Variants in KHDRBS2 observed in about 807,000 individuals in gnomAD.
The protein encoded by KHDRBS2 is KH domain-containing, RNA-binding, signal transduction-associated protein 2.
Under a neutral mutation model 44.3 loss-of-function variants are expected in KHDRBS2, and 26 were observed. The observed-to-expected ratio is 0.59, with a 90% CI of 0.43 to 0.81. The LOEUF (loss-of-function observed/expected upper bound fraction) is 0.81. Among genes scored for constraint, KHDRBS2 ranks in the 40% least tolerant of loss-of-function variants. The pLI is 0.00. For missense variants in KHDRBS2, 476 were observed against 433.1 expected, an observed-to-expected ratio of 1.10 and a Z score of -0.88; for synonymous variants, 194 against 151.1, an observed-to-expected ratio of 1.28 and a Z score of -2.08.
chr6:62,184,827 G>C (rs748079981), intron 1 of KHDRBS2, among the ~76,000 whole-genome samples: 28 of 151,552 alleles, frequency 1.8e-4, no homozygotes, highest in African/African-American at 5.1e-4. Flanking sequence ...TTTTTATCTT[G>C]TACTTGCTTT....
At chr6:62,082,338 T>TGTGTGTGA (rs1562814465) in intron 2 of KHDRBS2, among the ~76,000 whole-genome samples, 1 of 151,598 alleles carries the variant, frequency 6.6e-6, no homozygotes, top group African/African-American at 2.4e-5. Context: ...TGTGTGTGTG[T>TGTGTGTGA]GAACAACCCA....
chr6:61,829,112 T>G (rs1019780535), intron 6 of KHDRBS2, among the ~76,000 whole-genome samples: 4 of 152,230 alleles, frequency 2.6e-5, no homozygotes. Context: ...TTAGTGTGTA[T>G]ATAGCTGACA....
At chr6:61,763,183 G>T (rs1449185692) in intron 6 of KHDRBS2, among the ~76,000 whole-genome samples, 1 of 152,214 alleles carries the variant, frequency 6.6e-6, no homozygotes, top group Non-Finnish European at 1.5e-5. Context: ...TAGACGTGGG[G>T]AGTGGAAAAG....
At chr6:61,751,067 A>C (rs1777616637) in intron 6 of KHDRBS2, among the ~76,000 whole-genome samples, 1 of 152,112 alleles carries the variant, frequency 6.6e-6, no homozygotes, top group Non-Finnish European at 1.5e-5. Context: ...TACTTGCATA[A>C]ATTATTCCAT....
At chr6:61,663,788 T>G in the KHDRBS2 span, among the ~76,000 whole-genome samples, 1 of 151,502 alleles carries the variant, frequency 6.6e-6, no homozygotes, top group South Asian at 2.1e-4. Flanking sequence ...AATTATTTGA[T>G]GAATAAACTT....
chr6:61,776,854 C>T (rs1380304288), intron 6 of KHDRBS2, among the ~76,000 whole-genome samples: 3 of 152,104 alleles, frequency 2.0e-5, no homozygotes, highest in African/African-American at 7.2e-5. Flanking sequence ...TTTATAGTGG[C>T]ACTATTCACA....
At chr6:62,039,427 G>A (rs1786004079) in intron 3 of KHDRBS2, among the ~76,000 whole-genome samples, 1 of 151,662 alleles carries the variant, frequency 6.6e-6, no homozygotes, top group Non-Finnish European at 1.5e-5. Context: ...GAGATTATCT[G>A]CTAAATAATA....
chr6:61,619,380 T>G, the KHDRBS2 span, among the ~76,000 whole-genome samples: 1 of 152,158 alleles, frequency 6.6e-6, no homozygotes, highest in South Asian at 2.1e-4. Context: ...ATTCCTATGT[T>G]ATTTCACTTA....
intron 4 of KHDRBS2, among the ~76,000 whole-genome samples, chr6:61,947,507 G>C (rs199648804): frequency 1.3e-5 from 2 of 152,070 alleles, no homozygotes; most frequent in African/African-American, 4.8e-5. Flanking sequence ...GTTTAGTGAA[G>C]AGGAGAAAAA....
chr6:61,546,921 C>T, the KHDRBS2 span, among the ~76,000 whole-genome samples: 1 of 151,916 alleles, frequency 6.6e-6, no homozygotes, highest in East Asian at 1.9e-4. Flanking sequence ...CAGATTATTC[C>T]AGTTCAGAGT....
At chr6:62,055,481 G>T (rs953657002) in intron 2 of KHDRBS2, among the ~76,000 whole-genome samples, 2 of 151,962 alleles carry the variant, frequency 1.3e-5, no homozygotes, top group African/African-American at 4.8e-5. Context: ...ACGCACCTGT[G>T]GGAGTGTAAA....
At chr6:61,965,040 G>A (rs774782345) in intron 4 of KHDRBS2, among the ~76,000 whole-genome samples, 2 of 152,026 alleles carry the variant, frequency 1.3e-5, no homozygotes, top group African/African-American at 2.4e-5. Context: ...TTGCACTTGG[G>A]TGAATGTAAA....
At chr6:62,067,646 C>G (rs948263182) in intron 2 of KHDRBS2, among the ~76,000 whole-genome samples, 1 of 151,426 alleles carries the variant, frequency 6.6e-6, no homozygotes, top group Non-Finnish European at 1.5e-5. Flanking sequence ...TACGTATGTT[C>G]ACAGGGTTAT....
intron 2 of KHDRBS2, among the ~76,000 whole-genome samples, chr6:62,127,355 A>G (rs1809212526): frequency 6.6e-6 from 1 of 152,164 alleles, no homozygotes; most frequent in Non-Finnish European, 1.5e-5. Flanking sequence ...TTTGGCCACT[A>G]TTAAACTCCC....
the KHDRBS2 span, among the ~76,000 whole-genome samples, chr6:61,599,918 A>G: frequency 6.6e-6 from 1 of 152,222 alleles, no homozygotes; most frequent in African/African-American, 2.4e-5. Context: ...CAAGATGAGA[A>G]TGACTCTACG....
chr6:61,999,442 C>T (rs934040123), intron 3 of KHDRBS2, among the ~76,000 whole-genome samples: 1 of 152,076 alleles, frequency 6.6e-6, no homozygotes, highest in Non-Finnish European at 1.5e-5. Flanking sequence ...GCTGATATAA[C>T]TTAAAGTTGT....
intron 6 of KHDRBS2, among the ~76,000 whole-genome samples, chr6:61,747,893 A>G (rs190020978): frequency 6.6e-6 from 1 of 152,336 alleles, no homozygotes; most frequent in African/African-American, 2.4e-5. Context: ...GCTGGTTAAC[A>G]GATAAAATGT....
the KHDRBS2 span, among the ~76,000 whole-genome samples, chr6:61,656,694 C>T: frequency 6.6e-6 from 1 of 151,876 alleles, no homozygotes; most frequent in African/African-American, 2.4e-5. Flanking sequence ...AGTCATTGAA[C>T]TTTAGTTGAG....
chr6:62,214,182 C>A (rs1829593717), intron 1 of KHDRBS2, among the ~76,000 whole-genome samples: 1 of 152,058 alleles, frequency 6.6e-6, no homozygotes. Context: ...GGCAAAATTT[C>A]TTTGTGCAAA....
Sources: allele counts gnomAD v4.1 joint callset (sites outside exome capture counted in the v4.1 genomes callset), GRCh38; gene constraint gnomAD v4.1.1; transcripts MANE v1.5; gene names NCBI Gene and HGNC (gene_info 2026-07-23, HGNC 2026-07-21).